The following TAFA1 variants were observed in gnomAD, a reference collection of about 807,000 sequenced individuals.
TAFA1 encodes TAFA chemokine like family member 1, also known as chemokine-like protein TAFA-1.
TAFA1 carries 4 observed loss-of-function variants against 18.5 expected under a neutral mutation model. The observed-to-expected ratio is 0.22, with a 90% CI of 0.11 to 0.49. TAFA1 has a LOEUF of 0.49. Among genes scored for constraint, TAFA1 ranks in the 20% least tolerant of loss-of-function variants. The pLI, the probability that TAFA1 is intolerant of heterozygous loss-of-function variation, is 0.98. For missense variants in TAFA1, 147 were observed against 169.0 expected (o/e 0.87, Z 0.72); for synonymous variants, 56 against 55.2 (o/e 1.01, Z -0.06).
At chr3:68,176,851 A>G (rs2066132894) in intron 2 of TAFA1, among the ~76,000 whole-genome samples, 1 of 152,182 alleles carries the variant, frequency 6.6e-6, no homozygotes, top group Admixed American at 6.5e-5. Context: ...TTCTGGGATG[A>G]AACTCAGCAC....
rs76000410 is a variant in TAFA1 at position 68,256,706 on chromosome 3, G to A, written c.119-160574G>A. On this transcript the variant is annotated intron_variant, in intron 2 of 4. Transcript: ENST00000478136. Reference sequence around the variant, plus strand: ...AGAGGATAGCAAATTTGATTCTAGGGTTATAAGACTGGAGGGTTAATTATA... The same window carrying A: ...AGAGGATAGCAAATTTGATTCTAGGATTATAAGACTGGAGGGTTAATTATA... Among the ~76,000 whole-genome samples, 9 of 152,202 alleles carry A rather than the reference G, an allele frequency of 5.9e-5. No individual in the cohort carries two copies. The East Asian group carries it at 7.7e-4, about 13-fold the overall frequency.
intron 2 of TAFA1, among the ~76,000 whole-genome samples, chr3:68,303,807 G>A (rs1163947652): frequency 6.6e-6 from 1 of 152,044 alleles, no homozygotes; most frequent in Non-Finnish European, 1.5e-5. Flanking sequence ...ATTAAAGGAA[G>A]CCACTGATTT....
chr3:68,465,388 G>T (rs956352), intron 3 of TAFA1, among the ~76,000 whole-genome samples: 2 of 152,080 alleles, frequency 1.3e-5, no homozygotes, highest in Admixed American at 6.5e-5. Flanking sequence ...ACAGCTGTAG[G>T]TGTCTAAAGA....
intron 2 of TAFA1, among the ~76,000 whole-genome samples, chr3:68,273,150 A>G (rs915804078): frequency 6.6e-6 from 1 of 152,172 alleles, no homozygotes; most frequent in Non-Finnish European, 1.5e-5. Context: ...TCATATAGAA[A>G]GGATTCTATA....
At chr3:68,007,925 C>T (rs1704393765) in intron 2 of TAFA1, among the ~76,000 whole-genome samples, 2 of 152,210 alleles carry the variant, frequency 1.3e-5, no homozygotes, top group Non-Finnish European at 2.9e-5. Flanking sequence ...TGGGGGCAGG[C>T]ATGTCAGAGC....
intron 2 of TAFA1, among the ~76,000 whole-genome samples, chr3:68,045,068 G>C (rs548188887): frequency 6.6e-6 from 1 of 152,148 alleles, no homozygotes; most frequent in African/African-American, 2.4e-5. Context: ...ACAACTAGGA[G>C]TGTGCTGATC....
chr3:68,294,960 T>A (rs1415547926), intron 2 of TAFA1, among the ~76,000 whole-genome samples: 1 of 152,192 alleles, frequency 6.6e-6, no homozygotes, highest in Non-Finnish European at 1.5e-5. Flanking sequence ...AATGGTTATA[T>A]TAGGCAGCAC....
intron 2 of TAFA1, among the ~76,000 whole-genome samples, chr3:68,257,437 C>CT (rs113497143): frequency 0.041 from 5,839 of 142,654 alleles, 136 homozygotes; most frequent in East Asian, 0.1. Flanking sequence ...CGGTGTCCAT[C>CT]TTTTTTTTTT....
intron 2 of TAFA1, among the ~76,000 whole-genome samples, chr3:68,144,784 G>C (rs2065716333): frequency 6.6e-6 from 1 of 152,060 alleles, no homozygotes; most frequent in African/African-American, 2.4e-5. Context: ...GCAGTTTTCA[G>C]AGTTCAACTT....
intron 2 of TAFA1, among the ~76,000 whole-genome samples, chr3:68,084,291 A>G (rs2064943688): frequency 6.6e-6 from 1 of 152,222 alleles, no homozygotes. Flanking sequence ...GATTATTAGA[A>G]GAATTTTGTT....
At chr3:68,534,654 A>G (rs2073245371) in intron 3 of TAFA1, among the ~76,000 whole-genome samples, 1 of 152,156 alleles carries the variant, frequency 6.6e-6, no homozygotes, top group African/African-American at 2.4e-5. Context: ...CTTCTTAGAA[A>G]GCCTCTTCTT....
intron 3 of TAFA1, among the ~76,000 whole-genome samples, chr3:68,470,028 C>T (rs2071966604): frequency 6.6e-6 from 1 of 152,082 alleles, no homozygotes; most frequent in African/African-American, 2.4e-5. Flanking sequence ...TATAATCATC[C>T]TCATGTGTCA....
At chr3:68,482,857 A>G (rs1358138851) in intron 3 of TAFA1, among the ~76,000 whole-genome samples, 1 of 152,212 alleles carries the variant, frequency 6.6e-6, no homozygotes, top group Non-Finnish European at 1.5e-5. Context: ...AGAACAGAGC[A>G]ATGGAGAGAA....
chr3:68,495,321 T>C (rs2072525720), intron 3 of TAFA1, among the ~76,000 whole-genome samples: 1 of 152,214 alleles, frequency 6.6e-6, no homozygotes, highest in Non-Finnish European at 1.5e-5. Flanking sequence ...GAGTTAAATC[T>C]GAAGGTTAGG....
intron 2 of TAFA1, among the ~76,000 whole-genome samples, chr3:68,311,327 C>A (rs1049355552): frequency 1.1e-4 from 12 of 108,582 alleles, no homozygotes; most frequent in African/African-American, 4.3e-4. Flanking sequence ...CCAATCATGC[C>A]TTCCCAACAG....
intron 2 of TAFA1, among the ~76,000 whole-genome samples, chr3:68,398,884 C>T (rs6767927): frequency 0.47 from 71,479 of 151,988 alleles, 17,268 homozygotes; most frequent in Non-Finnish European, 0.49. Context: ...TACAACTTAT[C>T]TAAAGGAATA....
chr3:68,012,060 T>C (rs1437200760), intron 2 of TAFA1, among the ~76,000 whole-genome samples: 1 of 152,218 alleles, frequency 6.6e-6, no homozygotes, highest in East Asian at 1.9e-4. Context: ...CCTTTAATTG[T>C]TAATTTCTTA....
At chr3:68,516,521 AATG>A (rs2072923217) in intron 3 of TAFA1, among the ~76,000 whole-genome samples, 1 of 152,144 alleles carries the variant, frequency 6.6e-6, no homozygotes, top group African/African-American at 2.4e-5. Flanking sequence ...ATTTTCAATT[AATG>A]TGCTTAGTTC....
At chr3:68,437,817 C>T (rs1033451343) in intron 3 of TAFA1, among the ~76,000 whole-genome samples, 1 of 152,108 alleles carries the variant, frequency 6.6e-6, no homozygotes, top group South Asian at 2.1e-4. Flanking sequence ...CCTCCCGAAA[C>T]TCATATCCTT....
Sources: allele counts gnomAD v4.1 joint callset (sites outside exome capture counted in the v4.1 genomes callset), GRCh38; gene constraint gnomAD v4.1.1; transcripts MANE v1.5; gene names NCBI Gene and HGNC (gene_info 2026-07-23, HGNC 2026-07-21).